SHISA9: variants seen among roughly 807,000 people sequenced by gnomAD.
SHISA9 encodes the protein protein shisa-9.
Under a neutral mutation model 38.0 loss-of-function variants are expected in SHISA9, and 13 were observed. The observed-to-expected ratio is 0.34, with a 90% CI of 0.22 to 0.54. The LOEUF (loss-of-function observed/expected upper bound fraction) is 0.54, where lower values mean the gene tolerates loss of function less well. SHISA9 is among the 20% of genes least tolerant of loss of function. The probability of loss-of-function intolerance (pLI) is 0.91; values close to 1 mark genes in which losing one functional copy is unlikely to be tolerated. For missense variants in SHISA9, 538 were observed against 575.8 expected (o/e 0.93, Z 0.67); for synonymous variants, 275 against 242.0 (o/e 1.14, Z -1.27).
chr16:13,364,091 TTTC>T, the SHISA9 span, among the ~76,000 whole-genome samples: 1 of 152,212 alleles, frequency 6.6e-6, no homozygotes, highest in African/African-American at 2.4e-5. Flanking sequence ...GCCACAGATG[TTTC>T]TGATGATCTG....
chr16:13,356,001 G>A, the SHISA9 span, among the ~76,000 whole-genome samples: 1 of 152,176 alleles, frequency 6.6e-6, no homozygotes, highest in Admixed American at 6.5e-5. Context: ...GGCATTCCTT[G>A]GCCCAGTGGC....
At chr16:13,124,943 C>T (rs972926248) in intron 2 of SHISA9, among the ~76,000 whole-genome samples, 1 of 152,106 alleles carries the variant, frequency 6.6e-6, no homozygotes, top group Non-Finnish European at 1.5e-5. Context: ...GAATCCCTCT[C>T]TCTCACCATA....
At chr16:13,314,659 A>G in the SHISA9 span, among the ~76,000 whole-genome samples, 3 of 152,134 alleles carry the variant, frequency 2.0e-5, no homozygotes, top group Non-Finnish European at 4.4e-5. Flanking sequence ...CTGTGAACCC[A>G]TCGCCACAAT....
At chr16:13,005,579 A>G (rs1178515441) in intron 2 of SHISA9, among the ~76,000 whole-genome samples, 1 of 152,196 alleles carries the variant, frequency 6.6e-6, no homozygotes, top group Non-Finnish European at 1.5e-5. Context: ...TCTCTTGCTT[A>G]CTGGTTCCCA....
chr16:13,271,405 A>G, the SHISA9 span, among the ~76,000 whole-genome samples: 1 of 152,152 alleles, frequency 6.6e-6, no homozygotes, highest in African/African-American at 2.4e-5. Context: ...GATGTAGACC[A>G]ATTTAAAAAA....
chr16:13,369,932 C>G, the SHISA9 span, among the ~76,000 whole-genome samples: 2 of 151,980 alleles, frequency 1.3e-5, no homozygotes, highest in Non-Finnish European at 2.9e-5. Flanking sequence ...GCCTAGGCAT[C>G]TAATTTAAAG....
intron 2 of SHISA9, among the ~76,000 whole-genome samples, chr16:13,115,911 C>T (rs1044352088): frequency 6.6e-6 from 1 of 152,184 alleles, no homozygotes; most frequent in Non-Finnish European, 1.5e-5. Context: ...CTTCTGATGA[C>T]CTATAATCCT....
chr16:13,316,120 C>T, the SHISA9 span, among the ~76,000 whole-genome samples: 2 of 152,134 alleles, frequency 1.3e-5, no homozygotes, highest in East Asian at 1.9e-4. Context: ...AGAGCCTGGG[C>T]ATGGAGCGAT....
chr16:13,341,928 C>T, the SHISA9 span, among the ~76,000 whole-genome samples: 5 of 152,128 alleles, frequency 3.3e-5, no homozygotes, highest in Admixed American at 2.6e-4. Context: ...GAGCAACATC[C>T]ACCCAGTTGC....
chr16:13,546,300 C>T, the SHISA9 span, among the ~76,000 whole-genome samples: 3 of 152,172 alleles, frequency 2.0e-5, no homozygotes, highest in Non-Finnish European at 4.4e-5. Flanking sequence ...TTTCCTCAGC[C>T]TACAGAGTGA....
chr16:13,519,818 T>G, the SHISA9 span, among the ~76,000 whole-genome samples: 1 of 152,136 alleles, frequency 6.6e-6, no homozygotes, highest in African/African-American at 2.4e-5. Context: ...CTCATTATCA[T>G]GAGAACAGTA....
At chr16:12,915,484 G>A (rs763337682) in intron 1 of SHISA9, among the ~76,000 whole-genome samples, 2 of 152,148 alleles carry the variant, frequency 1.3e-5, no homozygotes, top group African/African-American at 2.4e-5. Flanking sequence ...TGTTTATCGG[G>A]GCTGGGGAGT....
At chr16:12,914,134 C>G (rs2141718364) in intron 1 of SHISA9, among the ~76,000 whole-genome samples, 1 of 150,944 alleles carries the variant, frequency 6.6e-6, no homozygotes, top group South Asian at 2.1e-4. Flanking sequence ...CAACCCCTGC[C>G]TCCCGGGTTC....
the SHISA9 span, among the ~76,000 whole-genome samples, chr16:13,402,014 C>T: frequency 2.6e-5 from 4 of 152,278 alleles, no homozygotes; most frequent in South Asian, 2.1e-4. Flanking sequence ...TACCTCCCAT[C>T]GGGTTCCTCC....
chr16:13,491,266 G>A, the SHISA9 span, among the ~76,000 whole-genome samples: 1 of 152,096 alleles, frequency 6.6e-6, no homozygotes, highest in Non-Finnish European at 1.5e-5. Context: ...CGATGATGAT[G>A]ATGGTAACGA....
At position 13,170,725 on chromosome 16, in the gene SHISA9, C is replaced by T. The variant is rs576009058; in HGVS notation, c.692-32669C>T. Among the ~76,000 whole-genome samples, 35 of 152,312 alleles carry T rather than the reference C, an allele frequency of 2.3e-4. No homozygotes were observed. The South Asian group carries it at 5.8e-3, about 25-fold the overall frequency. On this transcript the variant is annotated intron_variant, in intron 2 of 4. Coordinates refer to ENST00000558583, the MANE Select transcript of SHISA9 (RefSeq NM_001145204.3). The stretch of plus-strand genomic sequence containing the variant: ...AGGCTGGAGTGCAATGGTGCCATCT[C>T]GGCTCACTGCAACCTCCACCTCCTG...
rs541779612 is a variant in SHISA9, at chr16:12,954,970, T to C, written c.691+38155T>C. On this transcript the variant is annotated intron_variant, in intron 2 of 4. Transcript: ENST00000558583. ...ATGTGATGGACAGTTCCACACAATA[T>C]TATTTGTGTTATTCCCTCACAATAG... Among the ~76,000 whole-genome samples, 4 of 152,306 alleles carry C rather than the reference T, an allele frequency of 2.6e-5. No homozygotes were observed. The East Asian group carries it at 5.8e-4, about 22-fold the overall frequency.
chr16:13,304,486 G>A, the SHISA9 span, among the ~76,000 whole-genome samples: 76 of 152,084 alleles, frequency 5.0e-4, 1 homozygote, highest in Non-Finnish European at 1.6e-4. Flanking sequence ...TTGAATTCCT[G>A]GGTTCAAGTA....
intron 2 of SHISA9, among the ~76,000 whole-genome samples, chr16:13,052,151 C>T (rs1437287115): frequency 6.6e-6 from 1 of 151,902 alleles, no homozygotes; most frequent in African/African-American, 2.4e-5. Context: ...TAGAAACCCC[C>T]AGTCATTAAA....
Sources: allele counts gnomAD v4.1 joint callset (sites outside exome capture counted in the v4.1 genomes callset), GRCh38; gene constraint gnomAD v4.1.1; transcripts MANE v1.5; gene names NCBI Gene and HGNC (gene_info 2026-07-23, HGNC 2026-07-21).